The following ABHD5 variants were observed in gnomAD, a reference collection of about 807,000 sequenced individuals.
The protein encoded by ABHD5 is abhydrolase domain containing 5, lysophosphatidic acid acyltransferase.
In ABHD5, 30 loss-of-function variants were observed where a neutral mutation model predicts 44.9. The observed-to-expected ratio is 0.67, with a 90% CI of 0.50 to 0.91. The LOEUF is 0.91. Ranked by LOEUF, ABHD5 falls within the 40% of genes least tolerant of loss-of-function variation. The pLI is 0.00. For missense variants in ABHD5, 399 were observed against 423.4 expected, an observed-to-expected ratio of 0.94 and a Z score of 0.50; for synonymous variants, 167 against 147.0, an observed-to-expected ratio of 1.14 and a Z score of -0.99.
chr3:43,698,948 A>T (rs557427100), intron 1 of ABHD5, among the ~76,000 whole-genome samples: 2 of 152,128 alleles, frequency 1.3e-5, no homozygotes, highest in South Asian at 4.1e-4. Flanking sequence ...CTACCCCAAT[A>T]AGAGGCTGTC....
intron 2 of ABHD5, 164 bp downstream of exon 2, chr3:43,699,525 G>C (rs1183481586): frequency 1.4e-6 from 1 of 725,386 alleles, no homozygotes; most frequent in Non-Finnish European, 2.3e-6. Context: ...GAATGTCGGG[G>C]GCTGGCAGGT....
intron 1 of ABHD5, among the ~76,000 whole-genome samples, chr3:43,698,778 T>C (rs1219941526): frequency 6.6e-6 from 1 of 152,230 alleles, no homozygotes; most frequent in Non-Finnish European, 1.5e-5. Flanking sequence ...ATGTTACTAC[T>C]CATATGAGAT....
intron 1 of ABHD5, among the ~76,000 whole-genome samples, chr3:43,694,046 G>T (rs774688014): frequency 3.7e-5 from 5 of 136,554 alleles, no homozygotes; most frequent in Admixed American, 7.3e-5. Context: ...CGTGGTTCAC[G>T]CCTGTAATCC....
chr3:43,698,956 G>A (rs1243889149), intron 1 of ABHD5, among the ~76,000 whole-genome samples: 1 of 152,196 alleles, frequency 6.6e-6, no homozygotes, highest in Non-Finnish European at 1.5e-5. Flanking sequence ...ATAAGAGGCT[G>A]TCTTGCAGTG....
At chr3:43,692,704 G>A (rs2149589697) in intron 1 of ABHD5, among the ~76,000 whole-genome samples, 1 of 152,318 alleles carries the variant, frequency 6.6e-6, no homozygotes, top group East Asian at 1.9e-4. Context: ...AACTGCCACT[G>A]TAAAGGCTGC....
chr3:43,724,990 ATAAC>A (rs1453098544), downstream of ABHD5, among the ~76,000 whole-genome samples: 13 of 152,230 alleles, frequency 8.5e-5, no homozygotes, highest in Non-Finnish European at 1.6e-4. Context: ...AGGTAAGAAA[ATAAC>A]TAAAAGGTCT....
At chr3:43,692,747 T>TGGAA (rs1311991110) in intron 1 of ABHD5, among the ~76,000 whole-genome samples, 6 of 152,202 alleles carry the variant, frequency 3.9e-5, no homozygotes. Context: ...AGGGCTGGAT[T>TGGAA]GGAACCCTTT....
At chr3:43,691,890 G>T (rs143542778) in intron 1 of ABHD5, among the ~76,000 whole-genome samples, 219 of 152,274 alleles carry the variant, frequency 1.4e-3, no homozygotes, top group Non-Finnish European at 2.5e-3. Flanking sequence ...ATAATGTATA[G>T]GAAACTGTGG....
intron 1 of ABHD5, among the ~76,000 whole-genome samples, chr3:43,693,037 A>T (rs2084419940): frequency 6.6e-6 from 1 of 152,174 alleles, no homozygotes; most frequent in Non-Finnish European, 1.5e-5. Context: ...TCAACATCCA[A>T]CCCCTTTCAG....
rs867782735 is a variant in ABHD5, at chr3:43,727,920, A to G, written c.*30-5960A>G. ...CACCGCACCTGGCCGTATTTGTACTACTTTTAAAGAATGAGGCCCCAAATG... is the reference window on the plus strand; with the variant it reads ...CACCGCACCTGGCCGTATTTGTACTGCTTTTAAAGAATGAGGCCCCAAATG... On this transcript the variant is annotated intron_variant, in intron 7 of 7. Transcript: ENST00000454293. Among the ~76,000 whole-genome samples the G allele has an allele frequency of 7.9e-5, 12 of 152,198 alleles. No homozygotes were observed. The South Asian group carries it at 1.5e-3, about 18-fold the overall frequency.
At chr3:43,702,614 A>G in intron 3 of ABHD5, 27 bp downstream of exon 3, 1 of 1,614,046 alleles carries the variant, frequency 6.2e-7, no homozygotes, top group Non-Finnish European at 8.5e-7. Flanking sequence ...GAAGAGAGGG[A>G]TTATAACTGT....
At chr3:43,731,542 A>T (rs1196374228) in intron 7 of ABHD5, among the ~76,000 whole-genome samples, 2 of 152,062 alleles carry the variant, frequency 1.3e-5, no homozygotes, top group East Asian at 3.9e-4. Context: ...GAAAGATTTA[A>T]GAGTTTGGGC....
Position 43,717,664 on chromosome 3 carries a change from G to A in ABHD5, c.774-7G>A, listed in dbSNP as rs987013194. 1.1e-5 allele frequency: 18 copies of A among 1,614,036 alleles called. No individual in the cohort carries two copies. The highest frequency in any genetic ancestry group is 1.6e-4 in the Middle Eastern group (1 of 6,062). On this transcript the variant is annotated splice_region_variant and splice_polypyrimidine_tract_variant and intron_variant, in intron 5 of 6. Transcript: ENST00000644371. Reference sequence around the variant, plus strand: ...CATACATCGTGATTTTCTCCTTGCCGTTAAAGTGGTGAGACAGCTTTCAAG... The same window carrying A: ...CATACATCGTGATTTTCTCCTTGCCATTAAAGTGGTGAGACAGCTTTCAAG...
At chr3:43,692,556 T>G (rs756648795) in intron 1 of ABHD5, among the ~76,000 whole-genome samples, 2 of 152,204 alleles carry the variant, frequency 1.3e-5, no homozygotes, top group Non-Finnish European at 2.9e-5. Flanking sequence ...CAGCCATAGT[T>G]TCTAGACAGA....
chr3:43,718,053 A>G (rs2084789938), intron 6 of ABHD5, among the ~76,000 whole-genome samples, 196 bp downstream of exon 6: 1 of 152,150 alleles, frequency 6.6e-6, no homozygotes, highest in African/African-American at 2.4e-5. Context: ...ACCGTGAACT[A>G]CCTTTCTGAA....
chr3:43,726,190 G>C (rs1289783186), downstream of ABHD5, among the ~76,000 whole-genome samples: 1 of 152,112 alleles, frequency 6.6e-6, no homozygotes, highest in Non-Finnish European at 1.5e-5. Flanking sequence ...ACCTGCGAAT[G>C]TTTTTATAAT....
chr3:43,730,499 CTTTTTT>C (rs68058215), intron 7 of ABHD5, among the ~76,000 whole-genome samples: 1 of 68,970 alleles, frequency 1.4e-5, no homozygotes, highest in African/African-American at 5.7e-5. Flanking sequence ...AAAATAATCC[CTTTTTT>C]TTTTTTTTTT....
chr3:43,708,782 A>G (rs1041964946), intron 3 of ABHD5, among the ~76,000 whole-genome samples: 41 of 152,182 alleles, frequency 2.7e-4, no homozygotes, highest in African/African-American at 9.2e-4. Flanking sequence ...ATTATGTTCA[A>G]ACTTTTTTTA....
At chr3:43,691,794 C>G (rs1388335401) in intron 1 of ABHD5, among the ~76,000 whole-genome samples, 4 of 152,192 alleles carry the variant, frequency 2.6e-5, no homozygotes, top group African/African-American at 9.7e-5. Context: ...CTTGCAAGCT[C>G]CACTGTCCCT....
Sources: gnomAD v4.1 joint callset for allele counts (sites outside exome capture counted in the v4.1 genomes callset) on GRCh38, gnomAD v4.1.1 for gene constraint, MANE v1.5 for transcripts, NCBI Gene and HGNC (gene_info 2026-07-23, HGNC 2026-07-21) for gene names.